Variants in RAB27B observed in about 807,000 individuals in gnomAD.
The protein encoded by RAB27B is RAB27B, member RAS oncogene family, also known as ras-related protein Rab-27B.
RAB27B carries 15 observed loss-of-function variants against 24.6 expected under a neutral mutation model. That is an observed-to-expected ratio of 0.61 (90% confidence interval 0.41 to 0.94). The LOEUF (loss-of-function observed/expected upper bound fraction) is 0.94, where lower values mean the gene tolerates loss of function less well. Among genes scored for constraint, RAB27B ranks in the 40% least tolerant of loss-of-function variants. The probability of loss-of-function intolerance (pLI) is 0.00; values close to 1 mark genes in which losing one functional copy is unlikely to be tolerated. For missense variants in RAB27B, 261 were observed against 266.8 expected (o/e 0.98, Z 0.15); for synonymous variants, 105 against 92.5 (o/e 1.14, Z -0.78).
intron 2 of RAB27B, among the ~76,000 whole-genome samples, chr18:54,797,985 C>T (rs929775918): frequency 3.3e-5 from 5 of 152,132 alleles, no homozygotes; most frequent in Non-Finnish European, 7.4e-5. Context: ...AAGATTCTGA[C>T]TTAATTGATT....
chr18:54,884,389 T>C lies in RAB27B; in HGVS notation c.296T>C (p.Phe99Ser), dbSNP rs1402563085. The change falls in exon 4 of 6, where the codon TTT becomes TCT. Residue 99 changes from phenylalanine (F) to serine (S), a missense_variant. Physicochemically the swap from Phe to Ser is radical, Grantham distance 155 (BLOSUM62 -2). Transcript: ENST00000262094. The part of the protein sequence containing the change: ...FRDAMGFLLM[F>S]DLTSQQSFLN... ...GACGCCATGGGCTTCTTATTAATGT[T>C]TGACCTCACCAGTCAACAGAGCTTC... 3 of 1,612,982 alleles carry C rather than the reference T, an allele frequency of 1.9e-6. No homozygotes were observed. Among genetic ancestry groups the C allele is most frequent in the Non-Finnish European group, 2.5e-6 (3 of 1,179,150 alleles).
intron 2 of RAB27B, among the ~76,000 whole-genome samples, chr18:54,754,467 C>A (rs1450222106): frequency 6.6e-6 from 1 of 152,120 alleles, no homozygotes; most frequent in Non-Finnish European, 1.5e-5. Context: ...GTTCTTGGAT[C>A]TAGTGCAGAA....
At chr18:54,859,399 G>A (rs1911919657) in intron 1 of RAB27B, among the ~76,000 whole-genome samples, 1 of 151,554 alleles carries the variant, frequency 6.6e-6, no homozygotes, top group African/African-American at 2.4e-5. Context: ...AAAATTCTAA[G>A]TAGCAACCTT....
At chr18:54,857,403 T>C (rs1911828550) in intron 1 of RAB27B, among the ~76,000 whole-genome samples, 1 of 152,244 alleles carries the variant, frequency 6.6e-6, no homozygotes, top group Non-Finnish European at 1.5e-5. Context: ...AGCTTTTGCA[T>C]GTTGGATAAC....
intron 2 of RAB27B, among the ~76,000 whole-genome samples, chr18:54,755,722 C>T (rs1050296844): frequency 2.0e-5 from 3 of 152,328 alleles, no homozygotes; most frequent in Admixed American, 1.3e-4. Flanking sequence ...TCTTTATTAA[C>T]ATTTAGTTTG....
At chr18:54,768,987 C>A (rs750676460) in intron 2 of RAB27B, among the ~76,000 whole-genome samples, 14 of 152,086 alleles carry the variant, frequency 9.2e-5, no homozygotes, top group Non-Finnish European at 1.9e-4. Context: ...AGGCCACTCC[C>A]AAATCTCATG....
chr18:54,852,171 A>G (rs1911613521), intron 1 of RAB27B, among the ~76,000 whole-genome samples: 1 of 152,192 alleles, frequency 6.6e-6, no homozygotes, highest in Admixed American at 6.5e-5. Flanking sequence ...AGTTGCAGAC[A>G]CTACTTAGTA....
chr18:54,789,366 T>C (rs1909182069), intron 2 of RAB27B, among the ~76,000 whole-genome samples: 1 of 152,204 alleles, frequency 6.6e-6, no homozygotes, highest in South Asian at 2.1e-4. Context: ...TAAATTGCTA[T>C]GTGGAATACC....
At chr18:54,785,436 G>T (rs1466425718) in intron 2 of RAB27B, among the ~76,000 whole-genome samples, 10 of 101,706 alleles carry the variant, frequency 9.8e-5, no homozygotes, top group African/African-American at 1.9e-4. Context: ...CCTTCCTCAG[G>T]TTTTTTTTTT....
At chr18:54,842,553 C>A (rs909033447) in intron 1 of RAB27B, among the ~76,000 whole-genome samples, 2 of 152,106 alleles carry the variant, frequency 1.3e-5, no homozygotes, top group Admixed American at 1.3e-4. Flanking sequence ...GAAAGATAAA[C>A]AAGATAACCT....
chr18:54,843,908 T>C (rs1434997229), intron 1 of RAB27B, among the ~76,000 whole-genome samples: 1 of 152,188 alleles, frequency 6.6e-6, no homozygotes, highest in Non-Finnish European at 1.5e-5. Flanking sequence ...ATCTGTAGGT[T>C]GGTTACCCAT....
intron 1 of RAB27B, among the ~76,000 whole-genome samples, chr18:54,841,616 G>A (rs891823829): frequency 3.9e-5 from 6 of 152,076 alleles, no homozygotes; most frequent in African/African-American, 1.4e-4. Context: ...TTTTTCCATC[G>A]AGAATGGTGA....
At chr18:54,779,580 C>A (rs1428646899) in intron 2 of RAB27B, among the ~76,000 whole-genome samples, 1 of 152,050 alleles carries the variant, frequency 6.6e-6, no homozygotes, top group South Asian at 2.1e-4. Context: ...TACACAGCAA[C>A]GTACAAAGGT....
At chr18:54,866,218 G>C (rs1272113646) in intron 1 of RAB27B, among the ~76,000 whole-genome samples, 5 of 152,202 alleles carry the variant, frequency 3.3e-5, no homozygotes, top group Non-Finnish European at 7.3e-5. Flanking sequence ...ACTTGGACTT[G>C]AATGTTTACA....
chr18:54,852,259 A>G (rs1911615683), intron 1 of RAB27B, among the ~76,000 whole-genome samples: 1 of 152,134 alleles, frequency 6.6e-6, no homozygotes, highest in South Asian at 2.1e-4. Context: ...ACACTGGATG[A>G]CCCTACAAAT....
chr18:54,747,242 G>A (rs773693878), intron 2 of RAB27B, among the ~76,000 whole-genome samples: 13 of 152,002 alleles, frequency 8.6e-5, no homozygotes, highest in East Asian at 1.9e-4. Flanking sequence ...TCTATCTTGC[G>A]TAACTTTTTC....
upstream of RAB27B, among the ~76,000 whole-genome samples, chr18:54,826,964 G>A (rs1008262557): frequency 6.6e-6 from 1 of 152,170 alleles, no homozygotes; most frequent in Admixed American, 6.5e-5. Context: ...TAAAGAATAT[G>A]GGTTATCATT....
At chr18:54,867,237 T>A (rs903840716) in intron 1 of RAB27B, among the ~76,000 whole-genome samples, 1 of 152,162 alleles carries the variant, frequency 6.6e-6, no homozygotes, top group African/African-American at 2.4e-5. Context: ...GAGAGGTACC[T>A]CTAAATTCTT....
At chr18:54,733,010 A>G (rs1292590675) in intron 2 of RAB27B, among the ~76,000 whole-genome samples, 1 of 152,058 alleles carries the variant, frequency 6.6e-6, no homozygotes, top group Admixed American at 6.6e-5. Context: ...TATATGTCAA[A>G]TTCAACTCAT....
Sources: allele counts gnomAD v4.1 joint callset (sites outside exome capture counted in the v4.1 genomes callset), GRCh38; gene constraint gnomAD v4.1.1; transcripts MANE v1.5; gene names NCBI Gene and HGNC (gene_info 2026-07-23, HGNC 2026-07-21).